The following DOCK4 variants were observed in gnomAD, a reference collection of about 807,000 sequenced individuals.
DOCK4 encodes dedicator of cytokinesis 4, also known as dedicator of cytokinesis protein 4.
In DOCK4, 97 loss-of-function variants were observed where a neutral mutation model predicts 268.1. The observed-to-expected ratio is 0.36, with a 90% CI of 0.31 to 0.43. The LOEUF (loss-of-function observed/expected upper bound fraction) is 0.43, where lower values mean the gene tolerates loss of function less well. Among genes scored for constraint, DOCK4 ranks in the 20% least tolerant of loss-of-function variants. DOCK4 has a pLI of 1.00. For synonymous variants in DOCK4, 954 were observed against 887.2 expected (o/e 1.08, Z -1.34); for missense variants, 2,145 against 2,455.7 (o/e 0.87, Z 2.67).
chr7:111,885,190 A>G (rs184397038), intron 16 of DOCK4, among the ~76,000 whole-genome samples: 361 of 152,356 alleles, frequency 2.4e-3, no homozygotes, highest in Admixed American at 8.0e-3. Context: ...ATGCCTAAAA[A>G]TCTGAGCAAT....
chr7:112,036,884 C>T (rs1803837463), intron 1 of DOCK4, among the ~76,000 whole-genome samples: 1 of 152,154 alleles, frequency 6.6e-6, no homozygotes, highest in South Asian at 2.1e-4. Context: ...TGGTCTCATA[C>T]TCCTGACCTC....
At chr7:112,148,191 C>T (rs755830474) in intron 1 of DOCK4, among the ~76,000 whole-genome samples, 1 of 152,096 alleles carries the variant, frequency 6.6e-6, no homozygotes, top group African/African-American at 2.4e-5. Flanking sequence ...ACAAAAATGG[C>T]CACAGAATCT....
intron 31 of DOCK4, chr7:111,789,017 C>A (rs1585990136): frequency 2.1e-6 from 1 of 487,274 alleles, no homozygotes; most frequent in South Asian, 2.8e-5. Context: ...ATGCTTGCAG[C>A]CCAGTTTAAA....
intron 1 of DOCK4, among the ~76,000 whole-genome samples, chr7:112,033,693 G>A (rs557973335): frequency 1.5e-3 from 231 of 152,266 alleles, no homozygotes; most frequent in Middle Eastern, 0.014. Flanking sequence ...TAAGGAAATG[G>A]ATGGAGAGAG....
At chr7:111,862,680 T>C (rs955824596) in intron 23 of DOCK4, among the ~76,000 whole-genome samples, 4 of 151,760 alleles carry the variant, frequency 2.6e-5, no homozygotes, top group Non-Finnish European at 4.4e-5. Context: ...TTGGTAGAGA[T>C]GGGGTTTCAC....
At chr7:112,015,417 C>G (rs1442783677) in intron 1 of DOCK4, among the ~76,000 whole-genome samples, 1 of 152,128 alleles carries the variant, frequency 6.6e-6, no homozygotes, top group East Asian at 1.9e-4. Context: ...AGCCAGCTAG[C>G]AGCCCTCAGG....
chr7:111,888,523 G>A (rs1444715725), intron 16 of DOCK4, among the ~76,000 whole-genome samples: 1 of 152,030 alleles, frequency 6.6e-6, no homozygotes, highest in East Asian at 1.9e-4. Context: ...TATCTAATCA[G>A]TGGGAGATTC....
chr7:111,968,940 C>T (rs1478983059), intron 8 of DOCK4, among the ~76,000 whole-genome samples: 3 of 85,422 alleles, frequency 3.5e-5, no homozygotes, highest in African/African-American at 6.0e-5. Flanking sequence ...AACCATCATT[C>T]TCAGTAAACT....
intron 1 of DOCK4, among the ~76,000 whole-genome samples, chr7:112,155,997 C>T (rs1047774853): frequency 6.6e-6 from 1 of 152,054 alleles, no homozygotes; most frequent in African/African-American, 2.4e-5. Context: ...TCTAGAATTA[C>T]GACCTCACTC....
chr7:111,797,439 C>G (rs75550789), intron 30 of DOCK4, among the ~76,000 whole-genome samples: 224 of 152,282 alleles, frequency 1.5e-3, no homozygotes, highest in African/African-American at 5.0e-3. Flanking sequence ...ATGTATTTCA[C>G]CTCACATGGA....
chr7:111,765,882 C>A (rs1463157905), intron 38 of DOCK4, among the ~76,000 whole-genome samples: 2 of 152,152 alleles, frequency 1.3e-5, no homozygotes, highest in Non-Finnish European at 2.9e-5. Context: ...CCCAGGGTTT[C>A]CAGAGAAAGA....
At chr7:111,827,947 A>G (rs535964282) in intron 26 of DOCK4, among the ~76,000 whole-genome samples, 1 of 152,308 alleles carries the variant, frequency 6.6e-6, no homozygotes, top group South Asian at 2.1e-4. Flanking sequence ...ATCGTGCTGT[A>G]CTTAACTTCC....
chr7:112,085,998 G>T (rs1306997948), intron 1 of DOCK4, among the ~76,000 whole-genome samples: 2 of 152,032 alleles, frequency 1.3e-5, no homozygotes, highest in Non-Finnish European at 2.9e-5. Flanking sequence ...TTCTTGAAAT[G>T]ATTACTCCTT....
chr7:111,733,832 A>G (rs147952513), intron 51 of DOCK4, among the ~76,000 whole-genome samples: 1 of 152,344 alleles, frequency 6.6e-6, no homozygotes, highest in Non-Finnish European at 1.5e-5. Context: ...GGTGATCAAT[A>G]AGCTTAAAGT....
chr7:112,025,349 A>G (rs1207454185), intron 1 of DOCK4, among the ~76,000 whole-genome samples: 1 of 152,202 alleles, frequency 6.6e-6, no homozygotes, highest in Admixed American at 6.5e-5. Context: ...GACAAGGAAT[A>G]CAACAGACCC....
chr7:111,859,312 C>T (rs996378584), intron 23 of DOCK4, among the ~76,000 whole-genome samples: 3 of 152,236 alleles, frequency 2.0e-5, no homozygotes, highest in Middle Eastern at 3.4e-3. Context: ...ACTAAGTTTG[C>T]GATTACTGTC....
intron 1 of DOCK4, among the ~76,000 whole-genome samples, chr7:112,066,699 A>G (rs1225073522): frequency 0.014 from 467 of 32,732 alleles, 16 homozygotes; most frequent in African/African-American, 0.043. Context: ...ACATATATAT[A>G]TATATATATA....
chr7:112,026,604 A>G (rs1014579781), intron 1 of DOCK4, among the ~76,000 whole-genome samples: 1 of 152,234 alleles, frequency 6.6e-6, no homozygotes. Flanking sequence ...TTAAAAGAGT[A>G]ATATTTTGTG....
intron 8 of DOCK4, chr7:111,971,415 A>G (rs765735378): frequency 3.6e-5 from 8 of 223,396 alleles, no homozygotes; most frequent in South Asian, 1.4e-4. Context: ...TGAAAGCGAC[A>G]GTGGTGCAGG....
Sources: allele counts gnomAD v4.1 joint callset (sites outside exome capture counted in the v4.1 genomes callset), GRCh38; gene constraint gnomAD v4.1.1; transcripts MANE v1.5; gene names NCBI Gene and HGNC (gene_info 2026-07-23, HGNC 2026-07-21).